CNTNAP4: variants seen among roughly 807,000 people sequenced by gnomAD.
The protein encoded by CNTNAP4 is contactin-associated protein-like 4.
Under a neutral mutation model 148.4 loss-of-function variants are expected in CNTNAP4, and 98 were observed. The observed-to-expected ratio is 0.66, with a 90% CI of 0.56 to 0.78. CNTNAP4 has a LOEUF of 0.78. Ranked by LOEUF, CNTNAP4 falls within the 30% of genes least tolerant of loss-of-function variation. The pLI, the probability that CNTNAP4 is intolerant of heterozygous loss-of-function variation, is 0.00. For missense variants in CNTNAP4, 1,935 were observed against 1,565.6 expected (o/e 1.24, Z -3.98); for synonymous variants, 730 against 565.1 (o/e 1.29, Z -4.14).
intron 21 of CNTNAP4, among the ~76,000 whole-genome samples, chr16:76,551,421 A>G (rs1022448509): frequency 6.7e-5 from 10 of 149,314 alleles, no homozygotes; most frequent in African/African-American, 2.5e-4. Context: ...ATATATATAT[A>G]TTAGAGCTCA....
chr16:76,279,373 G>A (rs561552086), intron 1 of CNTNAP4, among the ~76,000 whole-genome samples: 1 of 152,156 alleles, frequency 6.6e-6, no homozygotes, highest in African/African-American at 2.4e-5. Flanking sequence ...GTTTATGTTT[G>A]CTTGTTTTCT....
intron 11 of CNTNAP4, among the ~76,000 whole-genome samples, chr16:76,476,815 G>C (rs2081602120): frequency 6.6e-6 from 1 of 152,092 alleles, no homozygotes; most frequent in Non-Finnish European, 1.5e-5. Context: ...TTGGGGACTA[G>C]GTTTCAACAT....
At chr16:76,479,715 A>G (rs1056128281) in intron 12 of CNTNAP4, among the ~76,000 whole-genome samples, 177 bp downstream of exon 12, 1 of 152,170 alleles carries the variant, frequency 6.6e-6, no homozygotes, top group Non-Finnish European at 1.5e-5. Context: ...ATGATTTTAA[A>G]TGTCTTTTTT....
intron 3 of CNTNAP4, among the ~76,000 whole-genome samples, chr16:76,396,044 A>T (rs1258903970): frequency 6.6e-6 from 1 of 152,156 alleles, no homozygotes; most frequent in Non-Finnish European, 1.5e-5. Context: ...GGTTTTTATT[A>T]ACCTGAACAG....
intron 1 of CNTNAP4, among the ~76,000 whole-genome samples, chr16:76,285,721 A>G (rs1958853750): frequency 6.6e-6 from 1 of 152,042 alleles, no homozygotes; most frequent in Non-Finnish European, 1.5e-5. Context: ...TATAACCTGT[A>G]ATTTCATTAA....
rs780833749 is a variant in CNTNAP4, at chr16:76,448,012, G to A, written c.539G>A (p.Arg180Lys). 8.1e-6 allele frequency: 13 copies of A among 1,608,346 alleles called. No individual in the cohort carries two copies. The East Asian group carries it at 2.9e-4, about 36-fold the overall frequency. The part of the protein sequence containing the change: ...MRIEVFGCAY[R>K]SEVVDLDGKS... ...TGCCTTCTACTATCTTTGTTTCTAG[G>A]ATCAGAAGTGGTTGATCTTGATGGA... The change falls in exon 5 of 24, where the codon AGA becomes AAA. Residue 180 changes from arginine to lysine, a missense_variant and splice_region_variant. Transcript: ENST00000611870.
chr16:76,319,062 G>A (rs1356197263), intron 2 of CNTNAP4, among the ~76,000 whole-genome samples: 3 of 151,988 alleles, frequency 2.0e-5, no homozygotes, highest in Admixed American at 1.3e-4. Flanking sequence ...GTGAAAATGA[G>A]TAGGGCCCTA....
chr16:76,332,638 C>T (rs1030386956), intron 2 of CNTNAP4, among the ~76,000 whole-genome samples: 5 of 152,110 alleles, frequency 3.3e-5, no homozygotes, highest in South Asian at 2.1e-4. Context: ...TCTCTCTCTC[C>T]TATCCTTCTG....
chr16:76,458,791 C>T (rs79521667), intron 8 of CNTNAP4, among the ~76,000 whole-genome samples: 1,884 of 152,148 alleles, frequency 0.012, 19 homozygotes, highest in Non-Finnish European at 0.018. Context: ...GGATTGGGGA[C>T]GCCTATTTTT....
Position 76,558,632 on chromosome 16 carries a change from G to T in CNTNAP4, c.3876G>T (p.Glu1292Asp). ...GTGCTGAGGCTGTTCTGAAAAGTGA[G>T]CTTAATATACAAAATGCAGTCAATG... ...VDSAEAVLKS[E>D]LNIQNAVNEN... Residue 1292 changes from glutamate (E) to aspartate (D), a missense_variant, in exon 24 of 24, where the codon GAG becomes GAT. By Grantham distance (45) the Glu-to-Asp change is conservative. Coordinates refer to ENST00000611870, the MANE Select transcript of CNTNAP4 (RefSeq NM_033401.5). 6.2e-7 allele frequency: 1 copy of T among 1,612,738 alleles called. No individual in the cohort carries two copies.
intron 11 of CNTNAP4, among the ~76,000 whole-genome samples, 193 bp downstream of exon 11, chr16:76,476,238 A>C (rs1568327757): frequency 6.6e-6 from 1 of 152,232 alleles, no homozygotes; most frequent in Non-Finnish European, 1.5e-5. Context: ...GCAAAGGGAA[A>C]ATACATATAG....
rs775735000 is a variant in CNTNAP4, at chr16:76,427,504, C to A, written c.443C>A (p.Pro148His). 23 of 1,613,140 alleles carry A rather than the reference C, an allele frequency of 1.4e-5. No homozygotes were observed. The highest frequency in any genetic ancestry group is 1.7e-5 in the Non-Finnish European group (20 of 1,179,464). ...AGTGTTGTGTACTATAGACTCCAGC[C>A]TTCTATCAAAGCCAGATTTCTGCGC... ...ADSVVYYRLQ[P>H]SIKARFLRFI... The change falls in exon 4 of 24, where the codon CCT (proline) becomes CAT (histidine). Residue 148 changes from proline (P) to histidine (H), a missense_variant. Coordinates refer to ENST00000611870, the MANE Select transcript of CNTNAP4 (RefSeq NM_033401.5).
intron 2 of CNTNAP4, among the ~76,000 whole-genome samples, chr16:76,319,362 GGGT>G (rs1293271389): frequency 1.3e-5 from 2 of 152,098 alleles, no homozygotes; most frequent in Admixed American, 1.3e-4. Context: ...TTGCACTCCA[GGGT>G]GACAGAGTGA....
At chr16:76,496,203 C>G (rs2082397416) in intron 14 of CNTNAP4, among the ~76,000 whole-genome samples, 1 of 151,508 alleles carries the variant, frequency 6.6e-6, no homozygotes, top group African/African-American at 2.4e-5. Flanking sequence ...TTTCAAATTT[C>G]TACTCCCTTT....
chr16:76,429,277 A>C (rs1390057245), intron 4 of CNTNAP4, among the ~76,000 whole-genome samples: 1 of 152,202 alleles, frequency 6.6e-6, no homozygotes, highest in Non-Finnish European at 1.5e-5. Context: ...CGTAGAGCTT[A>C]GCAAAGCTCA....
intron 17 of CNTNAP4, among the ~76,000 whole-genome samples, chr16:76,529,789 TG>T (rs1392916104): frequency 6.6e-6 from 1 of 152,012 alleles, no homozygotes; most frequent in East Asian, 1.9e-4. Flanking sequence ...ATGCAAAGGT[TG>T]ATGTTGAACT....
At chr16:76,361,627 GC>G (rs1399683548) in intron 3 of CNTNAP4, among the ~76,000 whole-genome samples, 3 of 152,100 alleles carry the variant, frequency 2.0e-5, no homozygotes, top group African/African-American at 7.2e-5. Context: ...GTATGAGGGT[GC>G]AGATGTCTCT....
chr16:76,303,985 A>G (rs375865426), intron 1 of CNTNAP4, among the ~76,000 whole-genome samples: 1 of 152,072 alleles, frequency 6.6e-6, no homozygotes, highest in Non-Finnish European at 1.5e-5. Context: ...ACTTTTATTC[A>G]GTTCACTTTT....
chr16:76,522,229 G>A lies in CNTNAP4; in HGVS notation c.2727G>A (p.Leu909=). The A allele has an allele frequency of 6.2e-7, 1 of 1,613,874 alleles. No individual in the cohort carries two copies. The highest frequency in any genetic ancestry group is 1.1e-5 in the South Asian group (1 of 91,078). ...CCGCCCCCGCTGATGGGCATGTCCT[G>A]TTACAGCTCAACAGTCAGCTCTTCG... ...TQPAPADGHV[L]LQLNSQLFVG... Residue 909 remains leucine, a synonymous_variant, in exon 17 of 24, where the codon CTG becomes CTA. Transcript: ENST00000611870.
Sources: allele counts gnomAD v4.1 joint callset (sites outside exome capture counted in the v4.1 genomes callset), GRCh38; gene constraint gnomAD v4.1.1; transcripts MANE v1.5; gene names NCBI Gene and HGNC (gene_info 2026-07-23, HGNC 2026-07-21).